GRID2IP: variants seen among roughly 807,000 people sequenced by gnomAD.
GRID2IP encodes the protein delphilin.
A neutral mutation model predicts 114.3 loss-of-function variants in GRID2IP; 78 were observed. The ratio of observed to expected loss-of-function variants is 0.68; its 90% CI spans 0.57 to 0.82. GRID2IP has a LOEUF of 0.82. GRID2IP is among the 40% of genes least tolerant of loss of function. GRID2IP has a pLI of 0.00. For synonymous variants in GRID2IP, 809 were observed against 724.0 expected (o/e 1.12, Z -1.89); for missense variants, 1,727 against 1,678.5 (o/e 1.03, Z -0.51).
At chr7:6,530,292 G>A (rs1295629265) in intron 2 of GRID2IP, among the ~76,000 whole-genome samples, 1 of 142,246 alleles carries the variant, frequency 7.0e-6, no homozygotes, top group Non-Finnish European at 1.5e-5. Flanking sequence ...GTTTGAGAGA[G>A]ACTCTCTGTC....
chr7:6,502,772 G>A lies in GRID2IP; in HGVS notation c.3150+14C>T, dbSNP rs984236991. ...AGAGCAAACCAGTCGATTGCTGCCG[G>A]CAGGTCCCCTCACCTCTGTCAGAAA... On this transcript the variant is annotated intron_variant, in intron 18 of 21. Coordinates refer to ENST00000457091, the MANE Select transcript of GRID2IP (RefSeq NM_001145118.2). The A allele has an allele frequency of 3.8e-5, 59 of 1,542,260 alleles. No homozygotes were observed. The highest frequency in any genetic ancestry group is 7.8e-5 in the Admixed American group (4 of 50,978).
At chr7:6,511,154 A>G (rs1779143556) in intron 8 of GRID2IP, 115 bp from the exon 9 acceptor site, 2 of 1,243,528 alleles carry the variant, frequency 1.6e-6, no homozygotes, top group Non-Finnish European at 2.0e-6. Context: ...ACCCCAAGCT[A>G]CGGGGCCTGC....
In GRID2IP at chr7:6,509,101, G is replaced by A. The variant is rs1193644344; in HGVS notation, c.1984C>T (p.Pro662Ser). ...SPPSPDPTRPPSRRKLFTFSH... is the reference protein window; with the variant it reads ...SPPSPDPTRPSSRRKLFTFSH... Reference sequence around the variant, plus strand: ...AAGGTGAAGAGCTTCCTGCGGCTGGGCGGGCGGGTGGGGTCCGGGCTTGGG... The same window carrying A: ...AAGGTGAAGAGCTTCCTGCGGCTGGACGGGCGGGTGGGGTCCGGGCTTGGG... The change falls in exon 12 of 22, where the codon CCC becomes TCC. Residue 662 changes from proline to serine, a missense_variant. Physicochemically the swap from Pro to Ser is moderately conservative, Grantham distance 74. Transcript: ENST00000457091. The surrounding 1 kb of genome is among the most constrained non-coding windows in gnomAD (Gnocchi z 4.9). 1.7e-5 allele frequency: 25 copies of A among 1,481,290 alleles called. No individual in the cohort carries two copies. The highest frequency in any genetic ancestry group is 2.2e-5 in the Non-Finnish European group (25 of 1,115,234). 91.8% of individuals were successfully genotyped at this position (1,481,290 alleles called of 1,614,324 possible). A position where few individuals can be genotyped will look rare whatever the true frequency, so the allele number is the denominator to read the frequency against.
rs1013657347 is a variant in GRID2IP, at chr7:6,519,320, T to C, written c.1268+1258A>G. ...TAATTAAATGGCAAATTGTATAGTA[T>C]GTGAATTACATCTTAAGACTCTTTA... On this transcript the variant is annotated intron_variant, in intron 7 of 21. Coordinates refer to ENST00000457091, the MANE Select transcript of GRID2IP (RefSeq NM_001145118.2). The surrounding 1 kb of genome is among the most constrained non-coding windows in gnomAD (Gnocchi z 4.1). 1.3e-4 allele frequency among the ~76,000 whole-genome samples: 20 copies of C among 152,208 alleles called. No homozygotes were observed. Among genetic ancestry groups the C allele is most frequent in the African/African-American group, 4.3e-4 (18 of 41,460 alleles).
chr7:6,542,438 G>C (rs1453310556), intron 1 of GRID2IP, among the ~76,000 whole-genome samples: 1 of 151,994 alleles, frequency 6.6e-6, no homozygotes, highest in African/African-American at 2.4e-5. Flanking sequence ...AGGATTGTTT[G>C]AGACCAGGAA....
At chr7:6,548,302 G>C (rs1779917588) in intron 1 of GRID2IP, among the ~76,000 whole-genome samples, 1 of 151,780 alleles carries the variant, frequency 6.6e-6, no homozygotes, top group Non-Finnish European at 1.5e-5. Flanking sequence ...GCAGTGAGCC[G>C]AGATCGTACC....
At chr7:6,546,859 C>A (rs1779896993) in intron 1 of GRID2IP, among the ~76,000 whole-genome samples, 2 of 152,068 alleles carry the variant, frequency 1.3e-5, no homozygotes, top group Non-Finnish European at 2.9e-5. Flanking sequence ...TCCAACTCTG[C>A]AGGGATTAGA....
At chr7:6,529,374 C>G (rs549527235) in intron 2 of GRID2IP, among the ~76,000 whole-genome samples, 1 of 151,994 alleles carries the variant, frequency 6.6e-6, no homozygotes, top group Non-Finnish European at 1.5e-5. Context: ...TTGCTTGAAC[C>G]GGGGAGACAG....
rs759492755 is a variant in GRID2IP at position 6,551,228 on chromosome 7, C to T, written c.209G>A (p.Arg70Gln). 44 of 1,525,392 alleles carry T rather than the reference C, an allele frequency of 2.9e-5. No homozygotes were observed. In the South Asian group the frequency reaches 5.2e-4, roughly 18 times the overall value. The allele number at this position is 1,525,392 out of a possible 1,614,324, so 94.5% of individuals were successfully genotyped here. ...ACTGGGCGGCACACGTGGGCAGCGCCGTGCCAGGCGCACGAGGCGCTCGCG... is the reference window on the plus strand; with the variant it reads ...ACTGGGCGGCACACGTGGGCAGCGCTGTGCCAGGCGCACGAGGCGCTCGCG... ...LSRERLVRLA[R>Q]RCPRVPPSLG... is the part of the protein sequence containing the mutation. Residue 70 changes from arginine to glutamine, a missense_variant, in exon 1 of 22, where the codon CGG becomes CAG. Coordinates refer to ENST00000457091, the MANE Select transcript of GRID2IP (RefSeq NM_001145118.2).
chr7:6,505,126 T>C (rs1786539134), intron 14 of GRID2IP, among the ~76,000 whole-genome samples: 1 of 152,124 alleles, frequency 6.6e-6, no homozygotes, highest in East Asian at 1.9e-4. Flanking sequence ...TGGGACCGCC[T>C]GTTCCACCCA....
intron 15 of GRID2IP, among the ~76,000 whole-genome samples, chr7:6,504,403 G>A (rs936763030): frequency 1.3e-5 from 2 of 151,310 alleles, no homozygotes; most frequent in African/African-American, 4.9e-5. Flanking sequence ...TAGGGGGCCG[G>A]GGCAGGGGCG....
rs1394796083 is a variant in GRID2IP, at chr7:6,503,022, C to A, written c.3049G>T (p.Ala1017Ser). 3.9e-6 allele frequency: 6 copies of A among 1,551,412 alleles called. No homozygotes were observed. The African/African-American group carries it at 4.1e-5, about 11-fold the overall frequency. The change falls in exon 17 of 22, where the codon GCC becomes TCC. Residue 1017 changes from alanine (A) to serine (S), a missense_variant. Physicochemically the swap from Ala to Ser is moderately conservative, Grantham distance 99. Transcript: ENST00000457091. The part of the protein sequence containing the change: ...SLELKNSRKL[A>S]KILEFVLAMG... ...CGCCCACTGACCTCCAGGATCTTGGCGAGCTTCCGACTGTTTTTGAGCTCC... is the reference window on the plus strand; with the variant it reads ...CGCCCACTGACCTCCAGGATCTTGGAGAGCTTCCGACTGTTTTTGAGCTCC...
Position 6,506,921 on chromosome 7 carries a change from A to G in GRID2IP, c.2545-1014T>C, listed in dbSNP as rs951075432. 2.6e-5 allele frequency among the ~76,000 whole-genome samples: 4 copies of G among 152,052 alleles called. No individual in the cohort carries two copies. Among genetic ancestry groups the G allele is most frequent in the African/African-American group, 9.7e-5 (4 of 41,396 alleles). On this transcript the variant is annotated intron_variant, in intron 13 of 21. Transcript: ENST00000457091. This position sits in a 1 kb window ranked among gnomAD's most constrained non-coding sequence, Gnocchi z 5.2. ...TTGTCTTGAACTCTTAGGCTCAAGC[A>G]GTCCTCCCGCCTCAGCCTCCCAAAG...
At chr7:6,517,621 G>A (rs1779334323) in intron 7 of GRID2IP, among the ~76,000 whole-genome samples, 1 of 151,982 alleles carries the variant, frequency 6.6e-6, no homozygotes, top group Non-Finnish European at 1.5e-5. Context: ...AATATACAAA[G>A]GTGTCCAGCC....
chr7:6,548,929 C>T (rs1469115432), intron 1 of GRID2IP, among the ~76,000 whole-genome samples: 2 of 152,056 alleles, frequency 1.3e-5, no homozygotes, highest in Non-Finnish European at 2.9e-5. Context: ...CACAGGGGTC[C>T]GATAGCCAGG....
At position 6,518,889 on chromosome 7, in the gene GRID2IP, A is replaced by G. The variant is rs77798396; in HGVS notation, c.1268+1689T>C. On this transcript the variant is annotated intron_variant, in intron 7 of 21. Transcript: ENST00000457091. ...AGTAATTGGTGAATAAGTTAGACACAAAACATGATATCAAGCACAGTTTTT... is the reference window on the plus strand; with the variant it reads ...AGTAATTGGTGAATAAGTTAGACACGAAACATGATATCAAGCACAGTTTTT... 2.4e-3 allele frequency among the ~76,000 whole-genome samples: 355 copies of G among 150,348 alleles called. 9 individuals are homozygous for G. The East Asian group carries it at 0.062, about 26-fold the overall frequency.
chr7:6,544,562 G>A (rs1779858532), intron 1 of GRID2IP, among the ~76,000 whole-genome samples: 1 of 151,994 alleles, frequency 6.6e-6, no homozygotes, highest in Non-Finnish European at 1.5e-5. Context: ...TTACAGGTGT[G>A]AGCCACTGTG....
Position 6,551,301 on chromosome 7 carries a change from C to A in GRID2IP, c.136G>T (p.Gly46Ter), listed in dbSNP as rs981332437. Residue 46 changes from glycine (G) to a stop codon, truncating the protein, a stop_gained, in exon 1 of 22, where the codon GGA becomes TGA. Coordinates refer to ENST00000457091, the MANE Select transcript of GRID2IP (RefSeq NM_001145118.2). LOFTEE classifies it high-confidence loss of function. ...CCCTCCACCTCCAGGATCTGGTCTC[C>A]TGGCCGCAGTCCTCCGGCATGCGCG... ...SSAHAGGLRP[G>*]DQILEVEGLA... The A allele has an allele frequency of 6.5e-7, 1 of 1,543,544 alleles. No individual in the cohort carries two copies. The highest frequency in any genetic ancestry group is 8.7e-7 in the Non-Finnish European group (1 of 1,146,566).
chr7:6,520,102 T>G lies in GRID2IP; in HGVS notation c.1268+476A>C, dbSNP rs1323139618. Among the ~76,000 whole-genome samples the G allele has an allele frequency of 1.3e-5, 2 of 152,096 alleles. No homozygotes were observed. The highest frequency in any genetic ancestry group is 2.9e-5 in the Non-Finnish European group (2 of 68,016). ...CAGCCTGACCAACATAGTGAAACCC[T>G]GTCTCTAGTAAAACCCTGTCTCTAG... On this transcript the variant is annotated intron_variant, in intron 7 of 21. Coordinates refer to ENST00000457091, the MANE Select transcript of GRID2IP (RefSeq NM_001145118.2). The surrounding 1 kb of genome is among the most constrained non-coding windows in gnomAD (Gnocchi z 4.6).
Sources: gnomAD v4.1 joint callset for allele counts (sites outside exome capture counted in the v4.1 genomes callset) on GRCh38, gnomAD v4.1.1 for gene constraint, Gnocchi (gnomAD v3.1) non-coding constraint, MANE v1.5 for transcripts, NCBI Gene and HGNC (gene_info 2026-07-23, HGNC 2026-07-21) for gene names.